GPR155: variants seen among roughly 807,000 people sequenced by gnomAD.
GPR155 encodes G protein-coupled receptor 155, also known as lysosomal cholesterol signaling protein.
A neutral mutation model predicts 93.1 loss-of-function variants in GPR155; 65 were observed. That is an observed-to-expected ratio of 0.70 (90% CI 0.57 to 0.86). The LOEUF (loss-of-function observed/expected upper bound fraction) is 0.86, where lower values mean the gene tolerates loss of function less well. Among genes scored for constraint, GPR155 ranks in the 40% least tolerant of loss-of-function variants. The probability of loss-of-function intolerance (pLI) is 0.00; values close to 1 mark genes in which losing one functional copy is unlikely to be tolerated. For synonymous variants in GPR155, 319 were observed against 360.1 expected (o/e 0.89, Z 1.29); for missense variants, 838 against 1,034.8 (o/e 0.81, Z 2.61).
chr2:174,449,097 CAAAG>C (rs922968696), intron 11 of GPR155, among the ~76,000 whole-genome samples: 15 of 152,062 alleles, frequency 9.9e-5, no homozygotes, highest in Admixed American at 3.9e-4. Context: ...AGACACTTCT[CAAAG>C]AAGACATACA....
chr2:174,436,091 C>A lies in GPR155; in HGVS notation c.*25G>T. 1 of 1,580,990 alleles carries A rather than the reference C, an allele frequency of 6.3e-7. No homozygotes were observed. The highest frequency in any genetic ancestry group is 1.1e-5 in the South Asian group (1 of 89,418). On this transcript the variant is annotated 3_prime_UTR_variant, in exon 16 of 16. Transcript: ENST00000392552. Reference sequence around the variant, plus strand: ...TGAATACGCGGCTAGAATATGATTCCATGTAGGGTTCTCCCCTGCATAATT... The same window carrying A: ...TGAATACGCGGCTAGAATATGATTCAATGTAGGGTTCTCCCCTGCATAATT...
At chr2:174,448,368 G>A (rs1017833460) in intron 11 of GPR155, among the ~76,000 whole-genome samples, 1 of 151,944 alleles carries the variant, frequency 6.6e-6, no homozygotes, top group Non-Finnish European at 1.5e-5. Context: ...GAGCAAGACT[G>A]TGTCTCAAAA....
intron 8 of GPR155, 31 bp from the exon 9 acceptor site, chr2:174,461,523 A>C: frequency 6.3e-7 from 1 of 1,583,460 alleles, no homozygotes; most frequent in Non-Finnish European, 8.7e-7. Context: ...GGGAGAGAAA[A>C]AGAAAGGATG....
At chr2:174,477,648 C>CT (rs1219703701) in intron 2 of GPR155, among the ~76,000 whole-genome samples, 3 of 150,822 alleles carry the variant, frequency 2.0e-5, no homozygotes, top group East Asian at 2.0e-4. Flanking sequence ...ATTGGCAGTG[C>CT]TTTTTTTTTG....
In GPR155 at chr2:174,470,486, A is replaced by G. The variant is rs1263800673; in HGVS notation, c.930T>C (p.His310=). ...LLDKGDSVVN[H]TSLSNYAFLY... is the part of the protein sequence containing the mutation. The stretch of plus-strand genomic sequence containing the variant: ...GAAATGCATAATTTGATAAACTTGT[A>G]TGGTTCACCACACTGTCGCCCTTGT... The change falls in exon 4 of 16, where the codon CAT becomes CAC. Residue 310 remains histidine, a synonymous_variant. Transcript: ENST00000392552. 1.9e-6 allele frequency: 3 copies of G among 1,613,800 alleles called. No individual in the cohort carries two copies. The highest frequency in any genetic ancestry group is 1.7e-6 in the Non-Finnish European group (2 of 1,179,754).
intron 11 of GPR155, among the ~76,000 whole-genome samples, chr2:174,450,242 T>C (rs887747142): frequency 3.3e-5 from 5 of 152,014 alleles, no homozygotes; most frequent in Non-Finnish European, 7.4e-5. Context: ...AAGTGCTGCA[T>C]GTGCTCACTT....
intron 15 of GPR155, among the ~76,000 whole-genome samples, chr2:174,437,316 TGACAA>T (rs1686813716): frequency 6.6e-6 from 1 of 152,054 alleles, no homozygotes; most frequent in Admixed American, 6.6e-5. Context: ...GAGAAATAGG[TGACAA>T]AAATTTAAAA....
intron 12 of GPR155, 51 bp downstream of exon 12, chr2:174,446,560 G>A (rs1313417870): frequency 3.2e-6 from 5 of 1,569,564 alleles, no homozygotes; most frequent in Non-Finnish European, 4.3e-6. Context: ...TAAAACCTTT[G>A]CCAAAAATTT....
At position 174,481,858 on chromosome 2, in the gene GPR155, G is replaced by T. The variant is rs113021676; in HGVS notation, c.99C>A (p.Asp33Glu). ...AVTHGFNSTNDPPSMSITRLF... is the reference protein window; with the variant it reads ...AVTHGFNSTNEPPSMSITRLF... Reference sequence around the variant, plus strand: ...GCCTTGTAATTGACATTGAAGGTGGGTCATTAGTGGAATTAAATCCATGCG... The same window carrying T: ...GCCTTGTAATTGACATTGAAGGTGGTTCATTAGTGGAATTAAATCCATGCG... Residue 33 changes from aspartate (D) to glutamate (E), a missense_variant, in exon 2 of 16, where the codon GAC (aspartate) becomes GAA (glutamate). By Grantham distance (45) the Asp-to-Glu change is conservative. Transcript: ENST00000392552. 6.9e-5 allele frequency: 112 copies of T among 1,614,068 alleles called. 5 individuals are homozygous for T. In the African/African-American group the frequency reaches 8.8e-4, roughly 13 times the overall value.
intron 2 of GPR155, among the ~76,000 whole-genome samples, chr2:174,474,861 C>T (rs1317794866): frequency 6.6e-6 from 1 of 151,974 alleles, no homozygotes; most frequent in Non-Finnish European, 1.5e-5. Context: ...GTCTCTAGCA[C>T]ATTTTTGACA....
At chr2:174,465,325 T>G (rs535636296) in intron 7 of GPR155, among the ~76,000 whole-genome samples, 1 of 152,222 alleles carries the variant, frequency 6.6e-6, no homozygotes, top group African/African-American at 2.4e-5. Flanking sequence ...AAAGTAACTC[T>G]GTAAGGTGCT....
At chr2:174,484,068 C>T (rs143087332) in intron 1 of GPR155, among the ~76,000 whole-genome samples, 2 of 152,156 alleles carry the variant, frequency 1.3e-5, no homozygotes, top group Non-Finnish European at 1.5e-5. Flanking sequence ...TGATAGCTGG[C>T]GTGGGTACAA....
chr2:174,453,410 C>A (rs1306785748), intron 11 of GPR155, among the ~76,000 whole-genome samples: 1 of 152,012 alleles, frequency 6.6e-6, no homozygotes, highest in Admixed American at 6.6e-5. Context: ...CCTGTAATCC[C>A]AGCACTTTGG....
At chr2:174,467,431 A>C (rs1687872022) in intron 5 of GPR155, among the ~76,000 whole-genome samples, 1 of 152,134 alleles carries the variant, frequency 6.6e-6, no homozygotes, top group South Asian at 2.1e-4. Context: ...CAGTGAGCCA[A>C]GCCAAGATCA....
At chr2:174,465,486 G>T (rs1687812318) in intron 7 of GPR155, among the ~76,000 whole-genome samples, 1 of 152,128 alleles carries the variant, frequency 6.6e-6, no homozygotes, top group Admixed American at 6.6e-5. Context: ...TTCTCCATCT[G>T]CCTTCAGTAT....
intron 8 of GPR155, 34 bp from the exon 9 acceptor site, chr2:174,461,526 A>G (rs1226330544): frequency 1.3e-6 from 2 of 1,578,940 alleles, no homozygotes; most frequent in African/African-American, 1.3e-5. Flanking sequence ...AGAGAAAAAG[A>G]AAGGATGAAT....
At chr2:174,439,230 A>T (rs751820774) in intron 15 of GPR155, among the ~76,000 whole-genome samples, 5 of 152,192 alleles carry the variant, frequency 3.3e-5, no homozygotes, top group Non-Finnish European at 5.9e-5. Flanking sequence ...ACATAAAAGT[A>T]TTTGGTTCTT....
chr2:174,471,165 ATCACGAGT>A (rs1687985528), intron 3 of GPR155, among the ~76,000 whole-genome samples: 1 of 152,146 alleles, frequency 6.6e-6, no homozygotes, highest in African/African-American at 2.4e-5. Context: ...AGGCAGGCGG[ATCACGAGT>A]TCAGGTCAGG....
At chr2:174,441,200 CT>C (rs561614918) in intron 14 of GPR155, among the ~76,000 whole-genome samples, 70 of 151,656 alleles carry the variant, frequency 4.6e-4, no homozygotes, top group African/African-American at 1.6e-3. Context: ...ACATCACTAT[CT>C]TTTTTTTAAG....
Sources: gnomAD v4.1 joint callset for allele counts (sites outside exome capture counted in the v4.1 genomes callset) on GRCh38, gnomAD v4.1.1 for gene constraint, MANE v1.5 for transcripts, NCBI Gene and HGNC (gene_info 2026-07-23, HGNC 2026-07-21) for gene names.